Variants in MEI4 observed in about 807,000 individuals in gnomAD.
The protein encoded by MEI4 is meiotic double-stranded break formation protein 4.
In MEI4, 27 loss-of-function variants were observed where a neutral mutation model predicts 31.4. The observed-to-expected ratio is 0.86, with a 90% CI of 0.63 to 1.19. The LOEUF (loss-of-function observed/expected upper bound fraction) is 1.19. MEI4 is among the 50% of genes most tolerant of loss of function. The probability of loss-of-function intolerance (pLI) is 0.00; values close to 1 mark genes in which losing one functional copy is unlikely to be tolerated. For synonymous variants in MEI4, 122 were observed against 145.4 expected (o/e 0.84, Z 1.16); for missense variants, 329 against 398.9 (o/e 0.82, Z 1.49).
chr6:77,823,373 A>G (rs986343928), intron 3 of MEI4, among the ~76,000 whole-genome samples: 2 of 152,158 alleles, frequency 1.3e-5, no homozygotes, highest in Non-Finnish European at 2.9e-5. Flanking sequence ...CACAGATTGG[A>G]GCTGCTCTGT....
chr6:77,699,396 T>G (rs1297933777), intron 2 of MEI4, among the ~76,000 whole-genome samples: 2 of 151,692 alleles, frequency 1.3e-5, no homozygotes, highest in African/African-American at 4.8e-5. Flanking sequence ...GTTTCACCGT[T>G]TTAGCCGGGA....
At chr6:77,695,250 A>C (rs1765994810) in intron 2 of MEI4, among the ~76,000 whole-genome samples, 1 of 151,982 alleles carries the variant, frequency 6.6e-6, no homozygotes, top group African/African-American at 2.4e-5. Flanking sequence ...TTTGCTGTGC[A>C]GAAGCTCTTT....
intron 3 of MEI4, among the ~76,000 whole-genome samples, chr6:77,789,667 C>T (rs1175337372): frequency 6.6e-6 from 1 of 152,218 alleles, no homozygotes; most frequent in Admixed American, 6.5e-5. Flanking sequence ...CTCTTCATCA[C>T]TGGCCATCAG....
chr6:77,800,756 GT>G (rs756354163), intron 3 of MEI4, among the ~76,000 whole-genome samples: 1 of 152,020 alleles, frequency 6.6e-6, no homozygotes, highest in African/African-American at 2.4e-5. Context: ...TAATCATGTG[GT>G]TTTTTTCATT....
chr6:77,810,449 G>T (rs1279923973), intron 3 of MEI4, among the ~76,000 whole-genome samples: 1 of 152,102 alleles, frequency 6.6e-6, no homozygotes, highest in East Asian at 1.9e-4. Flanking sequence ...GCGTATTTAA[G>T]AGTATGATCA....
intron 2 of MEI4, chr6:77,716,896 C>A: frequency 1.0e-6 from 1 of 977,192 alleles, no homozygotes; most frequent in Non-Finnish European, 1.2e-6. Context: ...ATTTAAGTGA[C>A]CAGGAGGTCA....
At chr6:77,768,042 A>C (rs933651076) in intron 3 of MEI4, among the ~76,000 whole-genome samples, 1 of 152,212 alleles carries the variant, frequency 6.6e-6, no homozygotes, top group African/African-American at 2.4e-5. Context: ...TTATCTGTTC[A>C]GACAACAACT....
chr6:77,921,543 T>C (rs764747363), intron 4 of MEI4, among the ~76,000 whole-genome samples: 3 of 151,856 alleles, frequency 2.0e-5, no homozygotes, highest in Non-Finnish European at 2.9e-5. Context: ...AACTCTTTCT[T>C]TGAATTTACA....
chr6:77,782,348 A>G (rs906022232), intron 3 of MEI4, among the ~76,000 whole-genome samples: 17 of 152,140 alleles, frequency 1.1e-4, no homozygotes, highest in Admixed American at 6.6e-5. Context: ...TCTCTAAAAG[A>G]TATCTTCTTC....
At chr6:77,846,046 A>G (rs1446795235) in intron 4 of MEI4, among the ~76,000 whole-genome samples, 1 of 151,974 alleles carries the variant, frequency 6.6e-6, no homozygotes, top group East Asian at 1.9e-4. Context: ...GAATTTCTCA[A>G]AATTTTTCAT....
intron 4 of MEI4, among the ~76,000 whole-genome samples, chr6:77,845,264 A>G (rs1246249273): frequency 6.6e-6 from 1 of 152,174 alleles, no homozygotes; most frequent in Admixed American, 6.6e-5. Flanking sequence ...CTGACAGATC[A>G]TCTTTTAGTA....
chr6:77,657,816 G>A (rs1768425617), intron 1 of MEI4, among the ~76,000 whole-genome samples: 1 of 152,172 alleles, frequency 6.6e-6, no homozygotes, highest in South Asian at 2.1e-4. Flanking sequence ...CCCATTTGAA[G>A]TGCTCTTTTG....
chr6:77,840,010 T>TG (rs1770318895), intron 4 of MEI4, among the ~76,000 whole-genome samples: 1 of 152,166 alleles, frequency 6.6e-6, no homozygotes, highest in Non-Finnish European at 1.5e-5. Flanking sequence ...GTATTATAAC[T>TG]ATGCTCCTTG....
intron 2 of MEI4, among the ~76,000 whole-genome samples, chr6:77,726,233 C>T (rs1019198843): frequency 1.1e-4 from 17 of 149,186 alleles, no homozygotes; most frequent in African/African-American, 2.5e-4. Flanking sequence ...TCAGAGAGCA[C>T]GGGGTTGGGG....
intron 1 of MEI4, among the ~76,000 whole-genome samples, chr6:77,672,740 TTGG>T (rs1244192748): frequency 6.6e-6 from 1 of 152,090 alleles, no homozygotes; most frequent in Non-Finnish European, 1.5e-5. Context: ...GGGTTTCACC[TTGG>T]TGGCCAGACT....
chr6:77,919,072 A>T (rs1271887251), intron 4 of MEI4, among the ~76,000 whole-genome samples: 2 of 152,036 alleles, frequency 1.3e-5, no homozygotes, highest in Non-Finnish European at 2.9e-5. Context: ...CCCCACTGTC[A>T]ACATTAGACA....
At chr6:77,667,970 A>T (rs1308444335) in intron 1 of MEI4, among the ~76,000 whole-genome samples, 1 of 151,154 alleles carries the variant, frequency 6.6e-6, no homozygotes, top group Non-Finnish European at 1.5e-5. Flanking sequence ...AAAAAAAAAA[A>T]GGCTTATAAT....
At chr6:77,849,006 A>G (rs1290315198) in intron 4 of MEI4, among the ~76,000 whole-genome samples, 1 of 152,166 alleles carries the variant, frequency 6.6e-6, no homozygotes, top group East Asian at 1.9e-4. Context: ...TAGGTCATCA[A>G]TAATTATTTT....
At chr6:77,869,811 A>C (rs959964494) in intron 4 of MEI4, among the ~76,000 whole-genome samples, 3 of 152,180 alleles carry the variant, frequency 2.0e-5, no homozygotes, top group African/African-American at 7.2e-5. Flanking sequence ...AGGGGAAGCA[A>C]GTGCAGAAGT....
Sources: gnomAD v4.1 joint callset for allele counts (sites outside exome capture counted in the v4.1 genomes callset) on GRCh38, gnomAD v4.1.1 for gene constraint, MANE v1.5 for transcripts, NCBI Gene and HGNC (gene_info 2026-07-23, HGNC 2026-07-21) for gene names.